Variants in BRINP1 observed in about 807,000 individuals in gnomAD.
BRINP1 encodes BMP/retinoic acid-inducible neural-specific protein 1.
BRINP1 carries 17 observed loss-of-function variants against 72.9 expected under a neutral mutation model. That is an observed-to-expected ratio of 0.23 (90% CI 0.16 to 0.35). BRINP1 has a LOEUF of 0.35. Ranked by LOEUF, BRINP1 falls within the 10% of genes least tolerant of loss-of-function variation. The probability of loss-of-function intolerance (pLI) is 1.00; values close to 1 mark genes in which losing one functional copy is unlikely to be tolerated. For synonymous variants in BRINP1, 418 were observed against 378.5 expected (o/e 1.10, Z -1.21); for missense variants, 850 against 1,001.6 (o/e 0.85, Z 2.04).
chr9:119,182,871 T>G (rs534585831), intron 7 of BRINP1, among the ~76,000 whole-genome samples: 1 of 152,200 alleles, frequency 6.6e-6, no homozygotes, highest in Admixed American at 6.5e-5. Flanking sequence ...GACAGGCACT[T>G]CATCAAAAAG....
At chr9:119,260,667 A>G (rs773841808) in intron 2 of BRINP1, among the ~76,000 whole-genome samples, 9 of 152,220 alleles carry the variant, frequency 5.9e-5, no homozygotes, top group Non-Finnish European at 1.3e-4. Context: ...TTTAAACCTG[A>G]ATAACACACT....
rs531403929 is a variant in BRINP1, at chr9:119,257,401, T to C, written c.219-8251A>G. ...GCAACTCCATGAGGGGCAAACATAT[T>C]ACAGTCTAAATATATAGCTTTCTGG... On this transcript the variant is annotated intron_variant, in intron 2 of 7. Transcript: ENST00000265922. Among the ~76,000 whole-genome samples the C allele has an allele frequency of 5.6e-4, 85 of 152,330 alleles. No individual in the cohort carries two copies. In the South Asian group the frequency reaches 9.1e-3, roughly 16 times the overall value.
At chr9:119,246,769 A>G (rs1830324178) in intron 3 of BRINP1, among the ~76,000 whole-genome samples, 1 of 152,198 alleles carries the variant, frequency 6.6e-6, no homozygotes, top group Admixed American at 6.5e-5. Flanking sequence ...CCATAAGTGA[A>G]TGAATGAAGT....
intron 7 of BRINP1, among the ~76,000 whole-genome samples, chr9:119,176,542 G>C (rs1047188618): frequency 6.6e-6 from 1 of 152,042 alleles, no homozygotes; most frequent in Non-Finnish European, 1.5e-5. Flanking sequence ...CTATAACCGG[G>C]ATCAAGTCAC....
At chr9:119,235,517 T>A (rs904928811) in intron 5 of BRINP1, among the ~76,000 whole-genome samples, 2 of 152,150 alleles carry the variant, frequency 1.3e-5, no homozygotes, top group Non-Finnish European at 2.9e-5. Context: ...TCTCGTGCCA[T>A]ATAAACCTTA....
chr9:119,351,156 A>G (rs1171965004), intron 1 of BRINP1, among the ~76,000 whole-genome samples: 5 of 152,114 alleles, frequency 3.3e-5, no homozygotes, highest in Admixed American at 1.3e-4. Context: ...CATTATATCC[A>G]CACAAGTTTA....
At chr9:119,307,772 G>C (rs1295251240) in intron 2 of BRINP1, among the ~76,000 whole-genome samples, 1 of 152,126 alleles carries the variant, frequency 6.6e-6, no homozygotes, top group Non-Finnish European at 1.5e-5. Context: ...GAGGTTGTAC[G>C]GTTAAAAAGA....
intron 4 of BRINP1, among the ~76,000 whole-genome samples, chr9:119,240,607 T>A (rs1183802940): frequency 1.3e-5 from 2 of 152,212 alleles, no homozygotes; most frequent in African/African-American, 2.4e-5. Context: ...GATGGCTTCA[T>A]AAAGATCCAT....
At chr9:119,209,719 A>C (rs1405308549) in intron 6 of BRINP1, among the ~76,000 whole-genome samples, 1 of 152,256 alleles carries the variant, frequency 6.6e-6, no homozygotes, top group East Asian at 1.9e-4. Flanking sequence ...CTGCTAAAAA[A>C]ATCAAACCTC....
intron 2 of BRINP1, among the ~76,000 whole-genome samples, chr9:119,303,958 C>A (rs1223936394): frequency 6.6e-6 from 1 of 151,162 alleles, no homozygotes; most frequent in Non-Finnish European, 1.5e-5. Context: ...CGGCTCACTG[C>A]AACCTCTGCC....
chr9:119,207,517 A>G (rs1371292658), intron 7 of BRINP1, among the ~76,000 whole-genome samples: 1 of 152,210 alleles, frequency 6.6e-6, no homozygotes, highest in Admixed American at 6.5e-5. Flanking sequence ...TTGAAGTCAC[A>G]TATTTCTTTG....
At chr9:119,176,451 C>G (rs990508387) in intron 7 of BRINP1, among the ~76,000 whole-genome samples, 1 of 152,144 alleles carries the variant, frequency 6.6e-6, no homozygotes, top group African/African-American at 2.4e-5. Context: ...CCACAAACAC[C>G]AAGAGCCTAA....
At chr9:119,197,603 C>G (rs908743676) in intron 7 of BRINP1, among the ~76,000 whole-genome samples, 1 of 152,160 alleles carries the variant, frequency 6.6e-6, no homozygotes, top group Non-Finnish European at 1.5e-5. Context: ...TCATAATTGA[C>G]CTCCATGAAG....
intron 1 of BRINP1, among the ~76,000 whole-genome samples, chr9:119,317,643 A>G (rs929396608): frequency 1.3e-5 from 2 of 152,238 alleles, no homozygotes; most frequent in Admixed American, 1.3e-4. Context: ...GTAAAATACT[A>G]TCAAACGGCA....
chr9:119,230,695 G>A (rs533963421), intron 5 of BRINP1, among the ~76,000 whole-genome samples: 1 of 151,964 alleles, frequency 6.6e-6, no homozygotes, highest in South Asian at 2.1e-4. Flanking sequence ...TCAAAGAAGA[G>A]GAAGAAGATG....
At chr9:119,251,734 G>A (rs1830390779) in intron 2 of BRINP1, among the ~76,000 whole-genome samples, 1 of 152,074 alleles carries the variant, frequency 6.6e-6, no homozygotes, top group Non-Finnish European at 1.5e-5. Flanking sequence ...GCAACAAGAT[G>A]GAACAAGTAG....
chr9:119,367,317 C>T (rs535120908), intron 1 of BRINP1, among the ~76,000 whole-genome samples: 7 of 149,562 alleles, frequency 4.7e-5, no homozygotes, highest in African/African-American at 7.4e-5. Context: ...GGCTTTTCAG[C>T]GGCCCCTCCG....
chr9:119,320,630 G>A (rs1035820403), intron 1 of BRINP1, among the ~76,000 whole-genome samples: 21 of 152,122 alleles, frequency 1.4e-4, no homozygotes, highest in Admixed American at 1.4e-3. Context: ...TGATAAAGGG[G>A]CTTCCAGGCA....
chr9:119,261,162 A>G (rs1438407920), intron 2 of BRINP1, among the ~76,000 whole-genome samples: 6 of 152,164 alleles, frequency 3.9e-5, no homozygotes, highest in Non-Finnish European at 7.3e-5. Flanking sequence ...GAGTTTGCAT[A>G]ACTGATTGAC....
Sources: gnomAD v4.1 joint callset for allele counts (sites outside exome capture counted in the v4.1 genomes callset) on GRCh38, gnomAD v4.1.1 for gene constraint, MANE v1.5 for transcripts, NCBI Gene and HGNC (gene_info 2026-07-23, HGNC 2026-07-21) for gene names.